SLC25A40: variants seen among roughly 807,000 people sequenced by gnomAD.
SLC25A40 encodes the protein solute carrier family 25 member 40, also known as mitochondrial glutathione transporter SLC25A40.
A neutral mutation model predicts 46.5 loss-of-function variants in SLC25A40; 41 were observed. The observed-to-expected ratio is 0.88, with a 90% CI of 0.69 to 1.14. SLC25A40 has a LOEUF of 1.14. SLC25A40 is among the 50% of genes most tolerant of loss of function. The pLI, the probability that SLC25A40 is intolerant of heterozygous loss-of-function variation, is 0.00. For missense variants in SLC25A40, 386 were observed against 393.6 expected, an observed-to-expected ratio of 0.98 and a Z score of 0.16; for synonymous variants, 126 against 127.5, an observed-to-expected ratio of 0.99 and a Z score of 0.08.
rs1297372953 is a variant in SLC25A40 at position 87,843,759 on chromosome 7, C to T, written c.736G>A (p.Gly246Ser). The change falls in exon 9 of 12, where the codon GGT (glycine) becomes AGT (serine). Residue 246 changes from glycine to serine, a missense_variant. Transcript: ENST00000341119. ...CAACAAAAGAATAAACTTACAGAACCAGACAATGCCCCTGAAGTAAAGTTG... is the reference window on the plus strand; with the variant it reads ...CAACAAAAGAATAAACTTACAGAACTAGACAATGCCCCTGAAGTAAAGTTG... ...MINFTSGALS[G>S]SFAAVATLPF... The T allele has an allele frequency of 6.2e-7, 1 of 1,601,574 alleles. No individual in the cohort carries two copies. Among genetic ancestry groups the T allele is most frequent in the South Asian group, 1.1e-5 (1 of 90,430 alleles).
At chr7:87,837,807 C>A (rs1838277753) in intron 10 of SLC25A40, among the ~76,000 whole-genome samples, 1 of 151,156 alleles carries the variant, frequency 6.6e-6, no homozygotes, top group Non-Finnish European at 1.5e-5. Flanking sequence ...TTGAGACCAG[C>A]TGAATGAAGG....
chr7:87,841,600 A>G lies in SLC25A40; in HGVS notation c.823+33T>C, dbSNP rs1394634950. 12 of 1,296,614 alleles carry G rather than the reference A, an allele frequency of 9.3e-6. No homozygotes were observed. The South Asian group carries it at 1.9e-4, about 21-fold the overall frequency. 80.3% of individuals were successfully genotyped at this position (1,296,614 alleles called of 1,614,324 possible). On this transcript the variant is annotated intron_variant, in intron 10 of 11. Transcript: ENST00000341119. ...ATCTGTAAGGAAAAACAAAAATGGC[A>G]TCTTAAAAATATTTTAAATTAATTA...
intron 8 of SLC25A40, among the ~76,000 whole-genome samples, chr7:87,845,310 A>G (rs1248830022): frequency 1.3e-5 from 2 of 152,122 alleles, no homozygotes; most frequent in Admixed American, 1.3e-4. Context: ...GAGGATTGGT[A>G]CTGGTCTGTG....
intron 2 of SLC25A40, among the ~76,000 whole-genome samples, chr7:87,859,534 C>T (rs760175954): frequency 2.0e-5 from 3 of 152,138 alleles, no homozygotes; most frequent in Non-Finnish European, 4.4e-5. Context: ...TATGTCTATA[C>T]ACACACATTA....
At chr7:87,838,039 A>C (rs950752659) in intron 10 of SLC25A40, among the ~76,000 whole-genome samples, 1 of 151,506 alleles carries the variant, frequency 6.6e-6, no homozygotes, top group African/African-American at 2.4e-5. Flanking sequence ...TTTCATTTAT[A>C]TAAAATATCA....
chr7:87,862,720 A>T (rs1838726335), intron 1 of SLC25A40, among the ~76,000 whole-genome samples: 1 of 152,216 alleles, frequency 6.6e-6, no homozygotes, highest in South Asian at 2.1e-4. Flanking sequence ...AGACTGGGCA[A>T]TTAACAAATA....
At chr7:87,870,232 G>A (rs1264755079) in intron 1 of SLC25A40, among the ~76,000 whole-genome samples, 1 of 149,794 alleles carries the variant, frequency 6.7e-6, no homozygotes, top group Non-Finnish European at 1.5e-5. Context: ...AGCTTATTTT[G>A]TGGGCTGTCT....
chr7:87,853,213 G>A (rs2131007631), intron 5 of SLC25A40, among the ~76,000 whole-genome samples: 1 of 152,278 alleles, frequency 6.6e-6, no homozygotes, highest in African/African-American at 2.4e-5. Flanking sequence ...AGGGAAATAA[G>A]CATATTAAAA....
intron 1 of SLC25A40, among the ~76,000 whole-genome samples, chr7:87,869,706 T>C (rs1224545013): frequency 6.6e-6 from 1 of 152,218 alleles, no homozygotes; most frequent in Non-Finnish European, 1.5e-5. Flanking sequence ...ATTACATAAA[T>C]ATACTACAAT....
At chr7:87,875,897 C>T (rs1171004697) in intron 1 of SLC25A40, among the ~76,000 whole-genome samples, 199 bp downstream of exon 1, 1 of 152,186 alleles carries the variant, frequency 6.6e-6, no homozygotes, top group Non-Finnish European at 1.5e-5. Flanking sequence ...TGTCCTCAGC[C>T]GGTGGGGTCG....
chr7:87,844,050 A>G (rs1838376666), intron 8 of SLC25A40, 187 bp from the exon 9 acceptor site: 2 of 952,586 alleles, frequency 2.1e-6, no homozygotes, highest in Admixed American at 6.2e-5. Flanking sequence ...ATATTCTAGT[A>G]GTCCTATAAA....
chr7:87,861,936 A>G (rs748275940), intron 1 of SLC25A40, among the ~76,000 whole-genome samples: 1 of 152,206 alleles, frequency 6.6e-6, no homozygotes, highest in African/African-American at 2.4e-5. Context: ...AATAAGTTAC[A>G]TCAATTATCT....
At chr7:87,868,076 C>G (rs972452765) in intron 1 of SLC25A40, among the ~76,000 whole-genome samples, 2 of 151,938 alleles carry the variant, frequency 1.3e-5, no homozygotes, top group Non-Finnish European at 2.9e-5. Flanking sequence ...CTCTGCCTGC[C>G]CTGAGCAATA....
At chr7:87,855,106 G>A (rs1445462742) in intron 4 of SLC25A40, among the ~76,000 whole-genome samples, 1 of 148,124 alleles carries the variant, frequency 6.8e-6, no homozygotes, top group Non-Finnish European at 1.5e-5. Flanking sequence ...AGGCTGCAGT[G>A]AGCTATGATC....
intron 9 of SLC25A40, chr7:87,842,127 C>T: frequency 4.2e-6 from 1 of 237,592 alleles, no homozygotes; most frequent in South Asian, 4.3e-5. Context: ...CCAGCAAACG[C>T]TTTTAAAATA....
Position 87,834,035 on chromosome 7 carries a change from TA to T in SLC25A40, c.*2213del. The T allele has an allele frequency of 6.6e-6, 1 of 152,056 alleles. No individual in the cohort carries two copies. The highest frequency in any genetic ancestry group is 2.1e-4 in the South Asian group (1 of 4,826). 9.4% of individuals were successfully genotyped at this position (152,056 alleles called of 1,614,324 possible). On this transcript the variant is annotated 3_prime_UTR_variant, in exon 12 of 12. Transcript: ENST00000341119. The stretch of plus-strand genomic sequence containing the variant: ...TTCCTAAAATTTTACATTAATCAAT[TA>T]AATGTTTATGTTAGAAAATTTAACA...
intron 7 of SLC25A40, 112 bp downstream of exon 7, chr7:87,847,741 C>T: frequency 9.5e-7 from 1 of 1,052,888 alleles, no homozygotes; most frequent in South Asian, 2.2e-5. Context: ...AACTATAATG[C>T]AAAATATATC....
chr7:87,847,616 T>C (rs1838441233), intron 7 of SLC25A40, among the ~76,000 whole-genome samples: 1 of 152,146 alleles, frequency 6.6e-6, no homozygotes. Flanking sequence ...CTGATGTCAC[T>C]CTAAAAACTC....
chr7:87,867,225 C>G (rs556348487), intron 1 of SLC25A40, among the ~76,000 whole-genome samples: 1 of 152,304 alleles, frequency 6.6e-6, no homozygotes, highest in East Asian at 1.9e-4. Flanking sequence ...CTCTTGAACA[C>G]CAATAATTCT....
Sources: allele counts gnomAD v4.1 joint callset (sites outside exome capture counted in the v4.1 genomes callset), GRCh38; gene constraint gnomAD v4.1.1; transcripts MANE v1.5; gene names NCBI Gene and HGNC (gene_info 2026-07-23, HGNC 2026-07-21).